The following ATF7IP2 variants were observed in gnomAD, a reference collection of about 807,000 sequenced individuals.
The protein encoded by ATF7IP2 is activating transcription factor 7 interacting protein 2, also known as activating transcription factor 7-interacting protein 2.
Under a neutral mutation model 64.2 loss-of-function variants are expected in ATF7IP2, and 42 were observed. That is an observed-to-expected ratio of 0.65 (90% confidence interval 0.51 to 0.85). The LOEUF (loss-of-function observed/expected upper bound fraction) is 0.85, where lower values mean the gene tolerates loss of function less well. Ranked by LOEUF, ATF7IP2 falls within the 40% of genes least tolerant of loss-of-function variation. The pLI is 0.00. For synonymous variants in ATF7IP2, 308 were observed against 272.8 expected (o/e 1.13, Z -1.27); for missense variants, 933 against 784.2 (o/e 1.19, Z -2.27).
chr16:10,426,712 A>T (rs992022767), intron 3 of ATF7IP2, among the ~76,000 whole-genome samples: 2 of 152,200 alleles, frequency 1.3e-5, no homozygotes, highest in Admixed American at 6.5e-5. Flanking sequence ...TGTCACAAGG[A>T]AGAGAGATCA....
At chr16:10,469,932 G>A (rs1567173010) in intron 9 of ATF7IP2, among the ~76,000 whole-genome samples, 1 of 150,600 alleles carries the variant, frequency 6.6e-6, no homozygotes. Flanking sequence ...TATATGCAGT[G>A]AAAATATGTT....
chr16:10,422,374 C>T (rs745379116), intron 3 of ATF7IP2, among the ~76,000 whole-genome samples: 3 of 152,108 alleles, frequency 2.0e-5, no homozygotes, highest in South Asian at 2.1e-4. Context: ...GGACATACCC[C>T]GTTTCATGCA....
chr16:10,399,695 T>A (rs2047489940), intron 1 of ATF7IP2, among the ~76,000 whole-genome samples: 1 of 152,230 alleles, frequency 6.6e-6, no homozygotes, highest in Non-Finnish European at 1.5e-5. Flanking sequence ...TCCATGTGAT[T>A]TTCAAGACTT....
chr16:10,406,904 A>G (rs2047651512), intron 1 of ATF7IP2, among the ~76,000 whole-genome samples: 1 of 152,234 alleles, frequency 6.6e-6, no homozygotes, highest in South Asian at 2.1e-4. Context: ...TTCCAAACTC[A>G]TTCCATGAGG....
intron 1 of ATF7IP2, among the ~76,000 whole-genome samples, chr16:10,405,347 G>A (rs146657605): frequency 1.7e-3 from 266 of 152,064 alleles, no homozygotes; most frequent in African/African-American, 6.3e-3. Context: ...ACTCCAGCCT[G>A]AGCAACAACA....
In ATF7IP2 at chr16:10,480,879, A is replaced by G. The variant is rs191247050; in HGVS notation, c.1550A>G (p.Glu517Gly). The change falls in exon 13 of 14, where the codon GAA becomes GGA. Residue 517 changes from glutamate to glycine, a missense_variant and splice_region_variant. Glu to Gly is a moderately conservative substitution (Grantham distance 98). Coordinates refer to ENST00000562102, the MANE Select transcript of ATF7IP2 (RefSeq NM_001393719.1). ...TTCTTAAACCTTGTGTTGTTCACAG[A>G]AAGTCCAGTATCCCCCCTGGAGTCA... is the stretch of plus-strand genomic sequence containing the variant. ...TKEGLSNCNT[E>G]SPVSPLESHS... 1.9e-6 allele frequency: 3 copies of G among 1,603,504 alleles called. No homozygotes were observed. Among genetic ancestry groups the G allele is most frequent in the South Asian group, 1.1e-5 (1 of 90,816 alleles).
At chr16:10,453,387 C>G (rs1000820456) in intron 8 of ATF7IP2, among the ~76,000 whole-genome samples, 2 of 152,136 alleles carry the variant, frequency 1.3e-5, no homozygotes, top group African/African-American at 4.8e-5. Context: ...CCCCACCATG[C>G]TTTAGCTCGC....
In ATF7IP2 at chr16:10,407,332, AG is replaced by A. The variant is rs573382224; in HGVS notation, c.-241-7240del. Among the ~76,000 whole-genome samples, 13 of 152,314 alleles carry A rather than the reference AG, an allele frequency of 8.5e-5. 1 individual carries two copies. In the South Asian group the frequency reaches 2.7e-3, roughly 32 times the overall value. On this transcript the variant is annotated intron_variant, in intron 1 of 13. Transcript: ENST00000562102. ...TTGGTTTAAGATCTGGAACACAACA[AG>A]GCTGCCCGTTTTCACCACAGTTACT...
At chr16:10,436,340 C>A (rs2048418158) in intron 6 of ATF7IP2, among the ~76,000 whole-genome samples, 1 of 151,562 alleles carries the variant, frequency 6.6e-6, no homozygotes, top group Non-Finnish European at 1.5e-5. Flanking sequence ...GCAGCCTGAG[C>A]AACAGAGCGA....
chr16:10,401,598 A>G (rs2047536604), intron 1 of ATF7IP2, among the ~76,000 whole-genome samples: 1 of 152,064 alleles, frequency 6.6e-6, no homozygotes, highest in Admixed American at 6.6e-5. Context: ...TTTGATATCA[A>G]AGTGATACTA....
Position 10,457,471 on chromosome 16 carries a change from G to GAAAA in ATF7IP2, c.1296_1299dup (p.Gly434LysfsTer4). The GAAAA allele has an allele frequency of 6.3e-7, 1 of 1,593,782 alleles. No homozygotes were observed. The highest frequency in any genetic ancestry group is 8.5e-7 in the Non-Finnish European group (1 of 1,173,334). Reference sequence around the variant, plus strand: ...GAATTATGAGCCTTCTAACCCTTCCGAAAAAGGAAGTAAAAAAATTAATTT... The same window carrying GAAAA: ...GAATTATGAGCCTTCTAACCCTTCCGAAAAAAAAAGGAAGTAAAAAAATTAATTT... On this transcript the variant is annotated frameshift_variant, in exon 9 of 14. Coordinates refer to ENST00000562102, the MANE Select transcript of ATF7IP2 (RefSeq NM_001393719.1). LOFTEE classifies it high-confidence loss of function.
chr16:10,407,913 CTTTCT>C lies in ATF7IP2; in HGVS notation c.-241-6657_-241-6653del, dbSNP rs2047675582. ...TTTTCTACTCTTGAGTTACTTCTTTCTTTCTTTTTTTTTTTTTTAGACGGAGTCTC... is the reference window on the plus strand; with the variant it reads ...TTTTCTACTCTTGAGTTACTTCTTTCTTTTTTTTTTTTTAGACGGAGTCTC... On this transcript the variant is annotated intron_variant, in intron 1 of 13. Transcript: ENST00000562102. 4.1e-5 allele frequency among the ~76,000 whole-genome samples: 6 copies of C among 146,768 alleles called. No homozygotes were observed. In the South Asian group the frequency reaches 1.3e-3, roughly 32 times the overall value.
chr16:10,450,016 G>A (rs1270652708), intron 8 of ATF7IP2, among the ~76,000 whole-genome samples: 1 of 152,134 alleles, frequency 6.6e-6, no homozygotes, highest in East Asian at 1.9e-4. Flanking sequence ...CTGATACATT[G>A]TGTCTTTGGT....
chr16:10,474,017 T>G, intron 12 of ATF7IP2, 28 bp downstream of exon 12: 1 of 1,488,524 alleles, frequency 6.7e-7, no homozygotes, highest in Non-Finnish European at 9.3e-7. Context: ...ATCTTTCTTT[T>G]GTAAAAAGGA....
chr16:10,474,669 C>A (rs941019843), intron 12 of ATF7IP2, among the ~76,000 whole-genome samples: 3 of 152,050 alleles, frequency 2.0e-5, no homozygotes, highest in Non-Finnish European at 2.9e-5. Flanking sequence ...AAAGTATAAA[C>A]CCACATACCC....
Position 10,431,199 on chromosome 16 carries a change from A to T in ATF7IP2, c.579A>T (p.Lys193Asn), listed in dbSNP as rs757586127. 10 of 1,614,218 alleles carry T rather than the reference A, an allele frequency of 6.2e-6. No individual in the cohort carries two copies. Among genetic ancestry groups the T allele is most frequent in the Non-Finnish European group, 8.5e-6 (10 of 1,180,044 alleles). Reference protein sequence around the residue: ...STVTSTVGDKKTDQMVFHLET... With the variant: ...STVTSTVGDKNTDQMVFHLET... ...TAACCAGTACCGTGGGTGACAAGAA[A>T]ACTGACCAGATGGTTTTCCATTTAG... Residue 193 changes from lysine to asparagine, a missense_variant, in exon 5 of 14, where the codon AAA becomes AAT. Coordinates refer to ENST00000562102, the MANE Select transcript of ATF7IP2 (RefSeq NM_001393719.1).
intron 1 of ATF7IP2, among the ~76,000 whole-genome samples, chr16:10,409,905 A>G: frequency 6.6e-6 from 1 of 152,144 alleles, no homozygotes; most frequent in South Asian, 2.1e-4. Context: ...TGATTTTCTC[A>G]GTTCTGTATC....
At chr16:10,405,336 T>C (rs1347010648) in intron 1 of ATF7IP2, among the ~76,000 whole-genome samples, 3 of 151,766 alleles carry the variant, frequency 2.0e-5, no homozygotes, top group South Asian at 2.1e-4. Context: ...TACCACATTG[T>C]ACTCCAGCCT....
intron 8 of ATF7IP2, among the ~76,000 whole-genome samples, chr16:10,443,482 C>G (rs1596529607): frequency 6.6e-6 from 1 of 152,332 alleles, no homozygotes; most frequent in Middle Eastern, 3.4e-3. Context: ...GGCCTCTGGC[C>G]TACCGTGTGC....
Sources: allele counts gnomAD v4.1 joint callset (sites outside exome capture counted in the v4.1 genomes callset), GRCh38; gene constraint gnomAD v4.1.1; transcripts MANE v1.5; gene names NCBI Gene and HGNC (gene_info 2026-07-23, HGNC 2026-07-21).